FANCC: variants seen among roughly 807,000 people sequenced by gnomAD.
FANCC encodes FA complementation group C, also known as Fanconi anemia group C protein.
FANCC carries 55 observed loss-of-function variants against 71.3 expected under a neutral mutation model. The observed-to-expected ratio is 0.77, with a 90% confidence interval of 0.62 to 0.97. FANCC has a LOEUF of 0.97. Among genes scored for constraint, FANCC ranks in the 50% least tolerant of loss-of-function variants. The pLI, the probability that FANCC is intolerant of heterozygous loss-of-function variation, is 0.00. For missense variants in FANCC, 678 were observed against 670.9 expected (o/e 1.01, Z -0.12); for synonymous variants, 275 against 244.9 (o/e 1.12, Z -1.15).
At chr9:95,114,467 G>A (rs2072228738) in intron 12 of FANCC, 162 bp downstream of exon 12, 1 of 739,106 alleles carries the variant, frequency 1.4e-6, no homozygotes, top group Non-Finnish European at 2.5e-6. Context: ...CATCCGTGCA[G>A]CCATGCGCTT....
chr9:95,250,260 C>T (rs1831249760), intron 1 of FANCC, among the ~76,000 whole-genome samples: 1 of 152,184 alleles, frequency 6.6e-6, no homozygotes, highest in Non-Finnish European at 1.5e-5. Context: ...CAGGCTCTGA[C>T]ACTCCCCAGG....
At chr9:95,107,889 TAATG>T (rs1160755826) in intron 13 of FANCC, among the ~76,000 whole-genome samples, 3 of 152,220 alleles carry the variant, frequency 2.0e-5, no homozygotes, top group East Asian at 1.9e-4. Context: ...ACCCACATAA[TAATG>T]GTAATTATAA....
intron 4 of FANCC, among the ~76,000 whole-genome samples, chr9:95,217,573 T>C (rs1828953158): frequency 6.6e-6 from 1 of 151,994 alleles, no homozygotes; most frequent in Non-Finnish European, 1.5e-5. Context: ...TTTAACTAAA[T>C]TTAAATAAAA....
At chr9:95,111,255 C>A (rs368191872) in intron 13 of FANCC, 1 of 1,542,474 alleles carries the variant, frequency 6.5e-7, no homozygotes, top group African/African-American at 1.4e-5. Context: ...GGCAGCGTCT[C>A]GTCTCTGGCC....
chr9:95,206,580 C>T (rs1348643276), intron 4 of FANCC, among the ~76,000 whole-genome samples: 4 of 152,108 alleles, frequency 2.6e-5, no homozygotes, highest in African/African-American at 9.7e-5. Flanking sequence ...CTTAACTTAC[C>T]GTACATCTAA....
At chr9:95,208,985 A>G (rs143481779) in intron 4 of FANCC, among the ~76,000 whole-genome samples, 2 of 152,360 alleles carry the variant, frequency 1.3e-5, no homozygotes, top group African/African-American at 2.4e-5. Context: ...TGTTTTACTC[A>G]TAATTCCAAA....
chr9:95,202,467 G>C (rs765191674), intron 4 of FANCC, among the ~76,000 whole-genome samples: 7 of 152,228 alleles, frequency 4.6e-5, no homozygotes, highest in African/African-American at 1.2e-4. Flanking sequence ...GCTGCCTCTA[G>C]AACGAGGCAG....
chr9:95,163,160 A>T (rs1359983669), intron 6 of FANCC, among the ~76,000 whole-genome samples: 1 of 152,220 alleles, frequency 6.6e-6, no homozygotes, highest in African/African-American at 2.4e-5. Context: ...GTGTATATCC[A>T]GTTTTCCCAA....
intron 4 of FANCC, among the ~76,000 whole-genome samples, chr9:95,202,494 T>G (rs1242740387): frequency 6.6e-6 from 1 of 152,176 alleles, no homozygotes; most frequent in Non-Finnish European, 1.5e-5. Context: ...TAGCACAGGT[T>G]AGGAGTGAGG....
chr9:95,302,320 C>G (rs960024600), intron 1 of FANCC, among the ~76,000 whole-genome samples: 4 of 152,104 alleles, frequency 2.6e-5, no homozygotes, highest in Admixed American at 1.3e-4. Context: ...GGTCTGAACC[C>G]GGCGTCACTA....
intron 1 of FANCC, among the ~76,000 whole-genome samples, chr9:95,287,775 C>CT (rs1239437816): frequency 6.6e-6 from 1 of 152,208 alleles, no homozygotes; most frequent in Non-Finnish European, 1.5e-5. Context: ...AGAAAATTCT[C>CT]TTTCTTGTGT....
intron 1 of FANCC, among the ~76,000 whole-genome samples, chr9:95,258,190 T>C (rs1343222622): frequency 6.6e-6 from 1 of 152,214 alleles, no homozygotes; most frequent in African/African-American, 2.4e-5. Context: ...ACTCATTTTA[T>C]GAGGTCAGCA....
intron 4 of FANCC, among the ~76,000 whole-genome samples, chr9:95,181,159 TTGTG>T (rs10692344): frequency 0.22 from 32,448 of 148,222 alleles, 4,467 homozygotes; most frequent in Non-Finnish European, 0.32. Flanking sequence ...CACGTACACA[TTGTG>T]TGTGTGTGTG....
chr9:95,280,171 A>C (rs1477163201), intron 1 of FANCC, among the ~76,000 whole-genome samples: 1 of 152,162 alleles, frequency 6.6e-6, no homozygotes, highest in African/African-American at 2.4e-5. Flanking sequence ...ATTTTAAAAC[A>C]AAAAGCTATT....
At chr9:95,106,068 C>A (rs2071424253) in intron 14 of FANCC, among the ~76,000 whole-genome samples, 1 of 152,200 alleles carries the variant, frequency 6.6e-6, no homozygotes, top group Non-Finnish European at 1.5e-5. Flanking sequence ...AGCTGCACGA[C>A]GTTAATGTCC....
chr9:95,210,001 C>G (rs1000937404), intron 4 of FANCC, among the ~76,000 whole-genome samples: 1 of 152,176 alleles, frequency 6.6e-6, no homozygotes, highest in Non-Finnish European at 1.5e-5. Context: ...TAAACACACT[C>G]TACCCTGGTA....
intron 7 of FANCC, among the ~76,000 whole-genome samples, chr9:95,148,393 T>C (rs1469211375): frequency 6.6e-6 from 1 of 152,248 alleles, no homozygotes; most frequent in African/African-American, 2.4e-5. Context: ...AGACAGGCAG[T>C]GGTCAGTCAC....
At chr9:95,103,329 T>A (rs1296274994) in intron 14 of FANCC, among the ~76,000 whole-genome samples, 1 of 152,234 alleles carries the variant, frequency 6.6e-6, no homozygotes, top group Non-Finnish European at 1.5e-5. Context: ...CTGGAAAACC[T>A]GCCTCCCTGC....
At chr9:95,164,318 G>A (rs1830936437) in intron 6 of FANCC, among the ~76,000 whole-genome samples, 2 of 152,122 alleles carry the variant, frequency 1.3e-5, no homozygotes, top group Non-Finnish European at 2.9e-5. Context: ...AAGGACTTCT[G>A]ATACTATATT....
Sources: allele counts gnomAD v4.1 joint callset (sites outside exome capture counted in the v4.1 genomes callset), GRCh38; gene constraint gnomAD v4.1.1; transcripts MANE v1.5; gene names NCBI Gene and HGNC (gene_info 2026-07-23, HGNC 2026-07-21).